HMGB1: variants seen among roughly 807,000 people sequenced by gnomAD.
HMGB1 encodes the protein high mobility group protein B1.
For synonymous variants in HMGB1, 81 were observed against 84.0 expected (o/e 0.96, Z 0.19); for missense variants, 79 against 253.5 (o/e 0.31, Z 4.67).
Position 30,460,210 on chromosome 13 carries a change from T to C in HMGB1, c.*1147A>G, listed in dbSNP as rs993834697. 3.9e-5 allele frequency: 6 copies of C among 152,528 alleles called. No individual in the cohort carries two copies. The highest frequency in any genetic ancestry group is 1.4e-4 in the African/African-American group (6 of 41,418). The allele number at this position is 152,528 out of a possible 1,614,324, so 9.4% of individuals were successfully genotyped here. A position where few individuals can be genotyped will look rare whatever the true frequency, so the allele number is the denominator to read the frequency against. The stretch of plus-strand genomic sequence containing the variant: ...CTTTCTTCCTATCTACTTGGATTTA[T>C]AAAGGGGCAAACCGTAATATAGGAA... On this transcript the variant is annotated 3_prime_UTR_variant, in exon 5 of 5. Transcript: ENST00000341423.
At chr13:30,525,934 C>T (rs532985113) in intron 1 of HMGB1, among the ~76,000 whole-genome samples, 19 of 152,238 alleles carry the variant, frequency 1.2e-4, no homozygotes, top group Non-Finnish European at 2.1e-4. Context: ...TGAGCTCAAG[C>T]GATCTGTCCG....
intron 1 of HMGB1, among the ~76,000 whole-genome samples, chr13:30,486,789 A>C (rs761604231): frequency 2.6e-5 from 4 of 152,086 alleles, no homozygotes; most frequent in Non-Finnish European, 4.4e-5. Flanking sequence ...TCTGAGAAAG[A>C]GCAAGCTTGA....
chr13:30,522,383 T>C (rs527817981), intron 1 of HMGB1, among the ~76,000 whole-genome samples: 11 of 152,184 alleles, frequency 7.2e-5, no homozygotes, highest in African/African-American at 2.7e-4. Flanking sequence ...GGATTATAGG[T>C]GTGAGCCACT....
intron 1 of HMGB1, chr13:30,465,194 G>GCCT: frequency 2.7e-6 from 2 of 734,430 alleles, no homozygotes; most frequent in Non-Finnish European, 3.2e-6. Context: ...CCGCCGCCCG[G>GCCT]CCGCCGCCGC....
intron 1 of HMGB1, among the ~76,000 whole-genome samples, chr13:30,504,864 C>CT (rs1887815167): frequency 9.4e-6 from 1 of 106,946 alleles, no homozygotes; most frequent in South Asian, 4.4e-4. Context: ...CAGTTCTTTG[C>CT]TTTTTTCCCC....
rs1212362302 is a variant in HMGB1 at position 30,458,245 on chromosome 13, T to TG, written c.*3111_*3112insC. On this transcript the variant is annotated 3_prime_UTR_variant, in exon 5 of 5. Coordinates refer to ENST00000341423, the MANE Select transcript of HMGB1 (RefSeq NM_002128.7). ...GGAGGCGTATTGTACCAAGCAGACCTAAATGTGAACTTTCATCAAGGACTA... is the reference window on the plus strand; with the variant it reads ...GGAGGCGTATTGTACCAAGCAGACCTGAAATGTGAACTTTCATCAAGGACTA... 2.6e-5 allele frequency: 4 copies of TG among 152,090 alleles called. No homozygotes were observed. In the East Asian group the frequency reaches 7.8e-4, roughly 29 times the overall value. The allele number at this position is 152,090 out of a possible 1,614,324, so 9.4% of individuals were successfully genotyped here. A position where few individuals can be genotyped will look rare whatever the true frequency, so the allele number is the denominator to read the frequency against.
At chr13:30,530,031 C>G (rs1888459864) in intron 1 of HMGB1, among the ~76,000 whole-genome samples, 1 of 152,100 alleles carries the variant, frequency 6.6e-6, no homozygotes, top group Non-Finnish European at 1.5e-5. Context: ...CAATGACACC[C>G]ATTATTTCAC....
chr13:30,473,997 G>C (rs1887008504), intron 1 of HMGB1, among the ~76,000 whole-genome samples: 2 of 152,168 alleles, frequency 1.3e-5, no homozygotes, highest in South Asian at 4.1e-4. Flanking sequence ...ATCCAGAACA[G>C]GAAATATTAT....
At chr13:30,585,153 A>G (rs1406817250) in intron 1 of HMGB1, among the ~76,000 whole-genome samples, 1 of 151,870 alleles carries the variant, frequency 6.6e-6, no homozygotes, top group Non-Finnish European at 1.5e-5. Context: ...TCATCTAAAA[A>G]AAAAAAAAAA....
At chr13:30,524,745 C>T (rs1278368312) in intron 1 of HMGB1, among the ~76,000 whole-genome samples, 2 of 151,194 alleles carry the variant, frequency 1.3e-5, no homozygotes, top group African/African-American at 2.4e-5. Flanking sequence ...AATTCTTCAA[C>T]AGACTTGGCT....
Position 30,538,633 on chromosome 13 carries a change from T to TTTC in HMGB1, c.-14-74940_-14-74939insGAA, listed in dbSNP as rs1566019057. ...TTTCTCTTTCTCTCTCTCTTTCTTT[T>TTTC]TCTTTCTTCCTTTCTTTCTTTCTTT... is the stretch of plus-strand genomic sequence containing the variant. On this transcript the variant is annotated intron_variant, in intron 1 of 4. Transcript: ENST00000405805. Among the ~76,000 whole-genome samples the TTTC allele has an allele frequency of 1.4e-3, 175 of 122,018 alleles. 8 individuals are homozygous for TTTC. The highest frequency in any genetic ancestry group is 5.4e-3 in the African/African-American group (133 of 24,850). The allele number at this position is 122,018 out of a possible 152,430, so 80.0% of individuals were successfully genotyped here.
chr13:30,574,447 G>T (rs993442929), intron 1 of HMGB1, among the ~76,000 whole-genome samples: 1 of 152,016 alleles, frequency 6.6e-6, no homozygotes, highest in Non-Finnish European at 1.5e-5. Context: ...GTTGCTAAAT[G>T]AATTCTCTTG....
At chr13:30,585,139 T>C (rs1871086263) in intron 1 of HMGB1, among the ~76,000 whole-genome samples, 2 of 147,840 alleles carry the variant, frequency 1.4e-5, no homozygotes, top group African/African-American at 5.0e-5. Context: ...TACAGAATGA[T>C]ACCTCATCTA....
At chr13:30,610,558 T>TA (rs1289683865) in intron 1 of HMGB1, among the ~76,000 whole-genome samples, 1 of 152,224 alleles carries the variant, frequency 6.6e-6, no homozygotes, top group Non-Finnish European at 1.5e-5. Context: ...CCAGAGAGGT[T>TA]AAATAATTTG....
Position 30,538,705 on chromosome 13 carries a change from T to C in HMGB1, c.-14-75011A>G, listed in dbSNP as rs71427290. ...CTTTCCTTTCTTTCTTTCTTTCTTT[T>C]TCTTTCTTTCTTCTTTTTCTTTCTT... On this transcript the variant is annotated intron_variant, in intron 1 of 4. Coordinates refer to the HMGB1 transcript ENST00000405805. Among the ~76,000 whole-genome samples, 210 of 128,266 alleles carry C rather than the reference T, an allele frequency of 1.6e-3. 3 individuals are homozygous for C. The highest frequency in any genetic ancestry group is 4.0e-3 in the African/African-American group (116 of 29,070). 84.1% of individuals were successfully genotyped at this position (128,266 alleles called of 152,430 possible).
At chr13:30,516,133 A>G (rs1362994283) in intron 1 of HMGB1, among the ~76,000 whole-genome samples, 2 of 152,206 alleles carry the variant, frequency 1.3e-5, no homozygotes, top group Non-Finnish European at 2.9e-5. Context: ...TCCCAAATAT[A>G]CTTACGACAG....
At chr13:30,523,250 T>C (rs1888279826) in intron 1 of HMGB1, among the ~76,000 whole-genome samples, 1 of 152,232 alleles carries the variant, frequency 6.6e-6, no homozygotes, top group Non-Finnish European at 1.5e-5. Context: ...ACGCTTACAT[T>C]TTCTATTCAT....
At chr13:30,504,622 G>T (rs1164128543) in intron 1 of HMGB1, among the ~76,000 whole-genome samples, 1 of 152,174 alleles carries the variant, frequency 6.6e-6, no homozygotes, top group Non-Finnish European at 1.5e-5. Flanking sequence ...GGAAAGAAAA[G>T]CTTAGATCAG....
chr13:30,597,223 T>TA (rs34686118), intron 1 of HMGB1, among the ~76,000 whole-genome samples: 72,455 of 151,400 alleles, frequency 0.48, 18,582 homozygotes, highest in Middle Eastern at 0.66. Context: ...AGTGTCCTTA[T>TA]AAAAAAAAGG....
Sources: allele counts gnomAD v4.1 joint callset (sites outside exome capture counted in the v4.1 genomes callset), GRCh38; gene constraint gnomAD v4.1.1; transcripts MANE v1.5; gene names NCBI Gene and HGNC (gene_info 2026-07-23, HGNC 2026-07-21).